The following SEMA6D variants were observed in gnomAD, a reference collection of about 807,000 sequenced individuals.
The protein encoded by SEMA6D is semaphorin-6D.
Under a neutral mutation model 106.6 loss-of-function variants are expected in SEMA6D, and 35 were observed. That is an observed-to-expected ratio of 0.33 (90% CI 0.25 to 0.44). The LOEUF (loss-of-function observed/expected upper bound fraction) is 0.44, where lower values mean the gene tolerates loss of function less well. SEMA6D is among the 20% of genes least tolerant of loss of function. The pLI is 1.00. For missense variants in SEMA6D, 1,185 were observed against 1,345.9 expected (o/e 0.88, Z 1.87); for synonymous variants, 499 against 487.7 (o/e 1.02, Z -0.31).
chr15:47,473,688 G>A (rs1481233623), intron 3 of SEMA6D, among the ~76,000 whole-genome samples: 2 of 152,088 alleles, frequency 1.3e-5, no homozygotes, highest in Non-Finnish European at 1.5e-5. Flanking sequence ...GGCTCTGAAC[G>A]GATTTCAGAG....
chr15:47,262,896 C>G lies in SEMA6D; in HGVS notation c.-239+78478C>G, dbSNP rs186226739. 2.4e-4 allele frequency among the ~76,000 whole-genome samples: 36 copies of G among 152,036 alleles called. No individual in the cohort carries two copies. The East Asian group carries it at 7.0e-3, about 29-fold the overall frequency. ...TAGAGAACTCAGAAATAAGGTCATA[C>G]ACCTACAACTATCTGATCTTTGAAT... On this transcript the variant is annotated intron_variant, in intron 1 of 19. Coordinates refer to the SEMA6D transcript ENST00000558014.
At chr15:47,392,459 G>T (rs1235701619) in intron 1 of SEMA6D, among the ~76,000 whole-genome samples, 1 of 152,048 alleles carries the variant, frequency 6.6e-6, no homozygotes, top group East Asian at 1.9e-4. Flanking sequence ...GGAGGGTCAG[G>T]GTCAGAGGCA....
At chr15:47,347,033 C>G (rs1344587786) in intron 1 of SEMA6D, among the ~76,000 whole-genome samples, 1 of 152,060 alleles carries the variant, frequency 6.6e-6, no homozygotes, top group East Asian at 1.9e-4. Context: ...CTCAACCTCC[C>G]AAGTAGCTGC....
At chr15:47,715,794 T>A (rs2146156641), upstream of SEMA6D, among the ~76,000 whole-genome samples, 1 of 152,334 alleles carries the variant, frequency 6.6e-6, no homozygotes, top group East Asian at 1.9e-4. Flanking sequence ...TTTTTCCCTC[T>A]TTGCTGCTAC....
chr15:47,267,596 GACTTA>G (rs1479935897), intron 1 of SEMA6D, among the ~76,000 whole-genome samples: 20 of 151,902 alleles, frequency 1.3e-4, no homozygotes, highest in African/African-American at 4.1e-4. Context: ...TCTATTTTTT[GACTTA>G]ACTTATTTCA....
At chr15:47,293,076 G>T (rs939975098) in intron 1 of SEMA6D, among the ~76,000 whole-genome samples, 1 of 152,158 alleles carries the variant, frequency 6.6e-6, no homozygotes, top group Non-Finnish European at 1.5e-5. Context: ...TTGGAAAAAT[G>T]TCTAATTTGG....
intron 1 of SEMA6D, among the ~76,000 whole-genome samples, chr15:47,728,532 C>T (rs1382057460): frequency 6.6e-6 from 1 of 152,202 alleles, no homozygotes; most frequent in Non-Finnish European, 1.5e-5. Context: ...TTAGTTTTAC[C>T]TCTCATTTTA....
At chr15:47,628,624 C>G (rs1016100534) in intron 4 of SEMA6D, among the ~76,000 whole-genome samples, 2 of 151,988 alleles carry the variant, frequency 1.3e-5, no homozygotes, top group African/African-American at 4.8e-5. Flanking sequence ...ATTGTTTTGA[C>G]ATTTTTAATA....
intron 1 of SEMA6D, among the ~76,000 whole-genome samples, chr15:47,317,784 T>G (rs960965617): frequency 6.6e-6 from 1 of 152,152 alleles, no homozygotes; most frequent in African/African-American, 2.4e-5. Context: ...TTCAAAATTT[T>G]TTCTTTATCT....
intron 1 of SEMA6D, among the ~76,000 whole-genome samples, chr15:47,748,654 A>G (rs887463669): frequency 6.6e-6 from 1 of 152,230 alleles, no homozygotes; most frequent in Non-Finnish European, 1.5e-5. Context: ...TAGCGTGTGC[A>G]GAAGACACTG....
chr15:47,622,407 G>A (rs1055801235), intron 4 of SEMA6D, among the ~76,000 whole-genome samples: 1 of 152,074 alleles, frequency 6.6e-6, no homozygotes, highest in Non-Finnish European at 1.5e-5. Context: ...GTATGCTAAA[G>A]CCAGGAAATT....
intron 1 of SEMA6D, among the ~76,000 whole-genome samples, chr15:47,213,522 A>G (rs1235915591): frequency 6.6e-6 from 1 of 152,104 alleles, no homozygotes; most frequent in African/African-American, 2.4e-5. Flanking sequence ...AAGTATTTGT[A>G]ATGCGTTTTG....
intron 1 of SEMA6D, chr15:47,730,685 G>A (rs1488219828): frequency 6.2e-7 from 1 of 1,608,462 alleles, no homozygotes; most frequent in Admixed American, 1.7e-5. Context: ...TCCAGGGCCT[G>A]GGTGAACTGG....
At chr15:47,416,444 ATGT>A (rs1257505167) in intron 2 of SEMA6D, among the ~76,000 whole-genome samples, 2 of 152,160 alleles carry the variant, frequency 1.3e-5, no homozygotes, top group Non-Finnish European at 2.9e-5. Context: ...AGTATGGGAA[ATGT>A]TGTCCTAAAA....
At chr15:47,359,560 G>A (rs886737451) in intron 1 of SEMA6D, 7 of 152,044 alleles carry the variant, frequency 4.6e-5, no homozygotes, top group Admixed American at 3.3e-4. Flanking sequence ...AAGATTCTAC[G>A]AAATTAGAAG....
At chr15:47,357,482 C>T (rs1453459005) in intron 1 of SEMA6D, among the ~76,000 whole-genome samples, 3 of 152,130 alleles carry the variant, frequency 2.0e-5, no homozygotes, top group African/African-American at 7.2e-5. Flanking sequence ...TATGGTCCCA[C>T]AATAGGTTGT....
intron 4 of SEMA6D, among the ~76,000 whole-genome samples, chr15:47,642,718 G>A (rs956480232): frequency 6.6e-6 from 1 of 152,154 alleles, no homozygotes; most frequent in African/African-American, 2.4e-5. Context: ...CTTCTGGGGG[G>A]ACAGGACTGA....
intron 1 of SEMA6D, among the ~76,000 whole-genome samples, chr15:47,373,438 G>A (rs929320041): frequency 6.6e-6 from 1 of 152,134 alleles, no homozygotes; most frequent in African/African-American, 2.4e-5. Context: ...ACTATGATCA[G>A]CATCTTTTCA....
chr15:47,281,870 C>G (rs1226514988), intron 1 of SEMA6D, among the ~76,000 whole-genome samples: 1 of 152,022 alleles, frequency 6.6e-6, no homozygotes, highest in African/African-American at 2.4e-5. Flanking sequence ...CACGATACAT[C>G]TAAATATAGA....
Sources: allele counts gnomAD v4.1 joint callset (sites outside exome capture counted in the v4.1 genomes callset), GRCh38; gene constraint gnomAD v4.1.1; transcripts MANE v1.5; gene names NCBI Gene and HGNC (gene_info 2026-07-23, HGNC 2026-07-21).